Variants in ANKS1B observed in about 807,000 individuals in gnomAD.
ANKS1B encodes ankyrin repeat and sterile alpha motif domain containing 1B, also known as ankyrin repeat and sterile alpha motif domain-containing protein 1B.
In ANKS1B, 36 loss-of-function variants were observed where a neutral mutation model predicts 148.3. That is an observed-to-expected ratio of 0.24 (90% CI 0.19 to 0.32). The LOEUF is 0.32. Ranked by LOEUF, ANKS1B falls within the 10% of genes least tolerant of loss-of-function variation. ANKS1B has a pLI of 1.00. For synonymous variants in ANKS1B, 542 were observed against 560.8 expected (o/e 0.97, Z 0.47); for missense variants, 1,157 against 1,542.6 (o/e 0.75, Z 4.19).
intron 15 of ANKS1B, among the ~76,000 whole-genome samples, chr12:99,117,516 T>C (rs746575391): frequency 1.4e-4 from 21 of 152,230 alleles, no homozygotes; most frequent in Admixed American, 6.5e-4. Context: ...TTTGTGTATG[T>C]TGAACCAACC....
At chr12:99,458,859 G>A (rs1368954350) in intron 10 of ANKS1B, among the ~76,000 whole-genome samples, 2 of 151,778 alleles carry the variant, frequency 1.3e-5, no homozygotes. Flanking sequence ...CAATCCTGTT[G>A]ATATCTATTC....
At chr12:99,831,505 TCA>T (rs1166351072) in intron 1 of ANKS1B, among the ~76,000 whole-genome samples, 17 of 152,346 alleles carry the variant, frequency 1.1e-4, no homozygotes, top group African/African-American at 4.1e-4. Context: ...AAAATATTTA[TCA>T]CAGAGTGAGG....
intron 20 of ANKS1B, among the ~76,000 whole-genome samples, chr12:98,805,617 C>T (rs1419393916): frequency 6.6e-6 from 1 of 152,106 alleles, no homozygotes; most frequent in Non-Finnish European, 1.5e-5. Context: ...AGTTAAAAAA[C>T]AAAAAGCTTC....
At chr12:99,941,397 A>C (rs890653521) in intron 1 of ANKS1B, among the ~76,000 whole-genome samples, 1 of 151,630 alleles carries the variant, frequency 6.6e-6, no homozygotes, top group Non-Finnish European at 1.5e-5. Context: ...TCAAGAGATC[A>C]TTATAGGAGT....
At chr12:99,292,568 C>T (rs1161917415) in intron 12 of ANKS1B, among the ~76,000 whole-genome samples, 1 of 150,466 alleles carries the variant, frequency 6.6e-6, no homozygotes, top group Non-Finnish European at 1.5e-5. Flanking sequence ...AGGCAACCTA[C>T]AGAATGGGAG....
intron 4 of ANKS1B, among the ~76,000 whole-genome samples, chr12:99,784,174 T>A (rs1028969249): frequency 1.4e-4 from 21 of 146,294 alleles, no homozygotes; most frequent in African/African-American, 5.0e-4. Context: ...CTTTCTTTTT[T>A]TTTTTTTTTT....
chr12:98,981,621 C>T (rs1405593832), intron 17 of ANKS1B, among the ~76,000 whole-genome samples: 1 of 152,216 alleles, frequency 6.6e-6, no homozygotes, highest in Non-Finnish European at 1.5e-5. Flanking sequence ...CAGGCGTGAG[C>T]CACTGTGCCC....
At chr12:99,264,616 G>A (rs776795970) in intron 12 of ANKS1B, among the ~76,000 whole-genome samples, 3 of 151,950 alleles carry the variant, frequency 2.0e-5, no homozygotes, top group East Asian at 1.9e-4. Context: ...AAAATTTTAC[G>A]TCAAAGGATG....
chr12:98,900,166 T>G (rs541324077), intron 17 of ANKS1B, among the ~76,000 whole-genome samples: 20 of 152,352 alleles, frequency 1.3e-4, no homozygotes, highest in African/African-American at 4.8e-4. Flanking sequence ...CCAGTTTCCA[T>G]GGATCAACCA....
chr12:99,592,695 A>T (rs1021027573), intron 9 of ANKS1B, among the ~76,000 whole-genome samples: 1 of 152,156 alleles, frequency 6.6e-6, no homozygotes, highest in Admixed American at 6.5e-5. Flanking sequence ...ACTCTGTCAA[A>T]TATTTGAAGA....
At chr12:99,038,657 C>T (rs540219420) in intron 17 of ANKS1B, among the ~76,000 whole-genome samples, 1 of 152,358 alleles carries the variant, frequency 6.6e-6, no homozygotes, top group Non-Finnish European at 1.5e-5. Context: ...ACCACTGTGA[C>T]ATCTTTTCTA....
chr12:99,273,379 C>T (rs1221043783), intron 12 of ANKS1B, among the ~76,000 whole-genome samples: 1 of 152,028 alleles, frequency 6.6e-6, no homozygotes, highest in Non-Finnish European at 1.5e-5. Flanking sequence ...ACAATTCGCA[C>T]AATTAGATAA....
At chr12:99,371,110 T>C (rs2093107297) in intron 12 of ANKS1B, among the ~76,000 whole-genome samples, 1 of 152,136 alleles carries the variant, frequency 6.6e-6, no homozygotes, top group Non-Finnish European at 1.5e-5. Context: ...GATGAAGTTG[T>C]CCTTTGTCAA....
At chr12:99,805,263 C>CAAAAAAAAGA (rs2067459865) in intron 4 of ANKS1B, among the ~76,000 whole-genome samples, 1 of 28,908 alleles carries the variant, frequency 3.5e-5, no homozygotes, top group African/African-American at 1.5e-4. Context: ...GAGGAAAAGG[C>CAAAAAAAAGA]AAAAAAAAAA....
At chr12:99,667,358 GAAAAGAAAAGAA>G (rs1013027552) in intron 8 of ANKS1B, among the ~76,000 whole-genome samples, 1 of 133,706 alleles carries the variant, frequency 7.5e-6, no homozygotes, top group Non-Finnish European at 1.8e-5. Flanking sequence ...CAAAAAAAAA[GAAAAGAAAAGAA>G]AAGAAAAGAA....
intron 9 of ANKS1B, among the ~76,000 whole-genome samples, chr12:99,550,849 T>A (rs1334858197): frequency 2.0e-5 from 3 of 152,178 alleles, no homozygotes; most frequent in Non-Finnish European, 4.4e-5. Context: ...ATCTCAAAGA[T>A]TTGAGGGATC....
intron 8 of ANKS1B, among the ~76,000 whole-genome samples, chr12:99,715,068 G>A (rs1046917104): frequency 6.6e-6 from 1 of 151,968 alleles, no homozygotes; most frequent in Non-Finnish European, 1.5e-5. Context: ...GGCGGGGGTT[G>A]CAATAAGCAG....
chr12:98,940,502 C>G (rs1466163099), intron 17 of ANKS1B, among the ~76,000 whole-genome samples: 1 of 152,194 alleles, frequency 6.6e-6, no homozygotes, highest in Non-Finnish European at 1.5e-5. Flanking sequence ...CTTCCCTGAT[C>G]AAGGTCAGGC....
chr12:99,620,593 G>A (rs1447069081), intron 9 of ANKS1B, among the ~76,000 whole-genome samples: 1 of 152,116 alleles, frequency 6.6e-6, no homozygotes, highest in Admixed American at 6.5e-5. Flanking sequence ...ATACTTTCAA[G>A]AGAAAATTTC....
Sources: allele counts gnomAD v4.1 joint callset (sites outside exome capture counted in the v4.1 genomes callset), GRCh38; gene constraint gnomAD v4.1.1; transcripts MANE v1.5; gene names NCBI Gene and HGNC (gene_info 2026-07-23, HGNC 2026-07-21).